FAM53A: variants seen among roughly 807,000 people sequenced by gnomAD.
FAM53A encodes the protein family with sequence similarity 53 member A, also known as protein FAM53A.
Under a neutral mutation model 26.6 loss-of-function variants are expected in FAM53A, and 28 were observed. The observed-to-expected ratio is 1.05, with a 90% confidence interval of 0.78 to 1.45. FAM53A has a LOEUF of 1.45. Among genes scored for constraint, FAM53A ranks in the 40% most tolerant of loss-of-function variants. The probability of loss-of-function intolerance (pLI) is 0.00; values close to 1 mark genes in which losing one functional copy is unlikely to be tolerated. For synonymous variants in FAM53A, 290 were observed against 253.1 expected (o/e 1.15, Z -1.38); for missense variants, 650 against 575.8 (o/e 1.13, Z -1.32).
In FAM53A at chr4:1,645,485, G is replaced by A. The variant is rs532766808; in HGVS notation, c.883-3878C>T. Among the ~76,000 whole-genome samples, 10 of 152,348 alleles carry A rather than the reference G, an allele frequency of 6.6e-5. No homozygotes were observed. In the South Asian group the frequency reaches 1.9e-3, roughly 28 times the overall value. On this transcript the variant is annotated intron_variant, in intron 4 of 4. Coordinates refer to ENST00000308132, the MANE Select transcript of FAM53A (RefSeq NM_001174070.3). ...AGCCCTGCTCAGACAACCTGCTCGG[G>A]CTGTGAGGGGCACACAGCCTTACAA...
chr4:1,617,511 G>A (rs1228803314), downstream of FAM53A, among the ~76,000 whole-genome samples: 1 of 152,088 alleles, frequency 6.6e-6, no homozygotes, highest in Admixed American at 6.5e-5. Context: ...AATCACATCA[G>A]TCGGTATTCT....
chr4:1,601,929 AGGGGAGGTGGGACGGTGGAGGTGGGCCG>A, the FAM53A span, among the ~76,000 whole-genome samples: 1 of 31,604 alleles, frequency 3.2e-5, no homozygotes, highest in East Asian at 4.9e-4. Flanking sequence ...GAGGTGGGCC[AGGGGAGGTGGGACGGTGGAGGTGGGCCG>A]GGGGAGATGG....
At chr4:1,578,855 A>G in the FAM53A span, among the ~76,000 whole-genome samples, 1 of 20,668 alleles carries the variant, frequency 4.8e-5, no homozygotes. Context: ...GAGGGGAGAG[A>G]AGAGGGGGAG....
At chr4:1,668,396 T>C (rs550631662) in intron 2 of FAM53A, among the ~76,000 whole-genome samples, 68 of 152,340 alleles carry the variant, frequency 4.5e-4, no homozygotes, top group Admixed American at 2.0e-3. Flanking sequence ...CGCCTTGGCC[T>C]CCCAAAGTGC....
downstream of FAM53A, among the ~76,000 whole-genome samples, chr4:1,614,268 G>A (rs907417476): frequency 7.9e-5 from 12 of 152,198 alleles, no homozygotes; most frequent in African/African-American, 2.9e-4. Context: ...CCCCACTTCA[G>A]GCCACACAGC....
chr4:1,684,821 G>A (rs955354780), upstream of FAM53A, among the ~76,000 whole-genome samples: 20 of 152,226 alleles, frequency 1.3e-4, 1 homozygote, highest in African/African-American at 4.1e-4. Context: ...TGCACAGTGT[G>A]AATTAGGCCC....
downstream of FAM53A, among the ~76,000 whole-genome samples, chr4:1,616,530 AAAC>A (rs890118235): frequency 1.3e-4 from 18 of 143,798 alleles, no homozygotes; most frequent in African/African-American, 2.0e-4. Context: ...TCACGTCTCA[AAAC>A]AACAACAACA....
chr4:1,644,417 C>T (rs1224560277), intron 4 of FAM53A: 6 of 1,499,442 alleles, frequency 4.0e-6, no homozygotes, highest in African/African-American at 2.8e-5. Flanking sequence ...CTTCTGCCCA[C>T]AGACACGGCA....
At chr4:1,655,773 G>A (rs770213299) in intron 3 of FAM53A, 50 bp from the exon 4 acceptor site, 1 of 1,473,734 alleles carries the variant, frequency 6.8e-7, no homozygotes, top group Non-Finnish European at 8.9e-7. Flanking sequence ...TGAGCCACAG[G>A]GCAGGCGACA....
chr4:1,658,168 G>A (rs1022314076), intron 2 of FAM53A, among the ~76,000 whole-genome samples: 3 of 151,326 alleles, frequency 2.0e-5, no homozygotes, highest in South Asian at 2.1e-4. Flanking sequence ...CTGCCACCAC[G>A]CCCAGCTAAT....
At chr4:1,620,252 T>G (rs191825236) in intron 1 of FAM53A, among the ~76,000 whole-genome samples, 1 of 150,560 alleles carries the variant, frequency 6.6e-6, no homozygotes, top group Non-Finnish European at 1.5e-5. Flanking sequence ...AATAAATAAA[T>G]AAAATGTCAT....
chr4:1,593,808 G>C, the FAM53A span, among the ~76,000 whole-genome samples: 1 of 151,992 alleles, frequency 6.6e-6, no homozygotes, highest in Non-Finnish European at 1.5e-5. Flanking sequence ...GAAGACGCGC[G>C]CTCGGGTGAA....
Position 1,640,338 on chromosome 4 carries a change from G to A in FAM53A, c.*955C>T, listed in dbSNP as rs149137785. 13 of 219,826 alleles carry A rather than the reference G, an allele frequency of 5.9e-5. No homozygotes were observed. The highest frequency in any genetic ancestry group is 1.1e-4 in the Non-Finnish European group (13 of 113,134). 13.6% of individuals were successfully genotyped at this position (219,826 alleles called of 1,614,324 possible). A position where few individuals can be genotyped will look rare whatever the true frequency, so the allele number is the denominator to read the frequency against. ...CAAGCCCCAAGCACCGTGACCCGTC[G>A]GGAGGGGGGGACACACGGGGCCAGT... On this transcript the variant is annotated 3_prime_UTR_variant, in exon 5 of 5. Transcript: ENST00000308132.
the FAM53A span, among the ~76,000 whole-genome samples, chr4:1,609,242 G>GT: frequency 6.6e-6 from 1 of 151,980 alleles, no homozygotes; most frequent in Non-Finnish European, 1.5e-5. Flanking sequence ...CGGGGCCTGG[G>GT]GTCCATGGCC....
intron 1 of FAM53A, among the ~76,000 whole-genome samples, chr4:1,671,118 C>A (rs1158520361): frequency 7.5e-4 from 109 of 145,120 alleles, no homozygotes; most frequent in African/African-American, 2.8e-3. Flanking sequence ...GTCAGAGCCA[C>A]CAGCTCACAG....
At chr4:1,627,543 G>T (rs1715362038) in intron 1 of FAM53A, among the ~76,000 whole-genome samples, 1 of 152,174 alleles carries the variant, frequency 6.6e-6, no homozygotes, top group South Asian at 2.1e-4. Context: ...GACCCTGCCA[G>T]GCTGACCCCT....
At chr4:1,635,789 T>C (rs1715810594), downstream of FAM53A, among the ~76,000 whole-genome samples, 2 of 152,240 alleles carry the variant, frequency 1.3e-5, no homozygotes, top group South Asian at 4.1e-4. Context: ...TGTTTGCTTT[T>C]TGGTATTGAG....
At chr4:1,600,384 T>A in the FAM53A span, among the ~76,000 whole-genome samples, 1 of 151,948 alleles carries the variant, frequency 6.6e-6, no homozygotes, top group Non-Finnish European at 1.5e-5. Context: ...CAGAAAGCCA[T>A]GTCTATAGGC....
intron 4 of FAM53A, among the ~76,000 whole-genome samples, chr4:1,650,328 T>C (rs1016370587): frequency 1.3e-5 from 2 of 149,278 alleles, no homozygotes; most frequent in Non-Finnish European, 3.0e-5. Flanking sequence ...GCATAGTGTT[T>C]GACTGTGAGG....
Sources: gnomAD v4.1 joint callset for allele counts (sites outside exome capture counted in the v4.1 genomes callset) on GRCh38, gnomAD v4.1.1 for gene constraint, MANE v1.5 for transcripts, NCBI Gene and HGNC (gene_info 2026-07-23, HGNC 2026-07-21) for gene names.